The following ZBTB20 variants were observed in gnomAD, a reference collection of about 807,000 sequenced individuals.
ZBTB20 encodes the protein zinc finger and BTB domain containing 20, also known as zinc finger and BTB domain-containing protein 20.
ZBTB20 carries 9 observed loss-of-function variants against 56.9 expected under a neutral mutation model. That is an observed-to-expected ratio of 0.16 (90% CI 0.10 to 0.28). The LOEUF is 0.28. Ranked by LOEUF, ZBTB20 falls within the 10% of genes least tolerant of loss-of-function variation. The probability of loss-of-function intolerance (pLI) is 1.00; values close to 1 mark genes in which losing one functional copy is unlikely to be tolerated. For synonymous variants in ZBTB20, 417 were observed against 420.7 expected (o/e 0.99, Z 0.11); for missense variants, 655 against 1,003.0 (o/e 0.65, Z 4.69).
At chr3:114,419,754 T>C (rs572515244) in intron 7 of ZBTB20, among the ~76,000 whole-genome samples, 145 of 152,246 alleles carry the variant, frequency 9.5e-4, no homozygotes, top group African/African-American at 3.3e-3. Context: ...ACAACTGACA[T>C]ACCAAAGAGA....
intron 5 of ZBTB20, among the ~76,000 whole-genome samples, chr3:114,712,119 G>A (rs1244661111): frequency 1.3e-5 from 2 of 152,160 alleles, no homozygotes; most frequent in African/African-American, 2.4e-5. Flanking sequence ...GATGTTAGGT[G>A]ATGAAAATCA....
chr3:114,989,348 T>C (rs2078697224), intron 2 of ZBTB20, among the ~76,000 whole-genome samples: 1 of 152,234 alleles, frequency 6.6e-6, no homozygotes, highest in Admixed American at 6.5e-5. Flanking sequence ...GCACCATTTA[T>C]TAAATAGGGA....
chr3:114,783,281 G>A (rs373940956), intron 5 of ZBTB20, among the ~76,000 whole-genome samples: 7 of 152,238 alleles, frequency 4.6e-5, no homozygotes, highest in African/African-American at 1.7e-4. Flanking sequence ...AAGTGCTGGT[G>A]GTTTTTATTG....
At chr3:114,784,153 T>C (rs2070321952) in intron 5 of ZBTB20, among the ~76,000 whole-genome samples, 1 of 152,230 alleles carries the variant, frequency 6.6e-6, no homozygotes, top group Non-Finnish European at 1.5e-5. Context: ...CTGTCCTCCT[T>C]CATTTTAATT....
At chr3:114,548,163 C>T (rs2050126550) in intron 6 of ZBTB20, among the ~76,000 whole-genome samples, 2 of 152,200 alleles carry the variant, frequency 1.3e-5, no homozygotes, top group African/African-American at 4.8e-5. Context: ...TCAGATTAGC[C>T]TTATGGCCAT....
chr3:114,837,323 ATGAGGT>A (rs997968348), intron 4 of ZBTB20, among the ~76,000 whole-genome samples: 7 of 152,180 alleles, frequency 4.6e-5, no homozygotes, highest in African/African-American at 1.7e-4. Context: ...TTCCATGAGG[ATGAGGT>A]TCTTGGATGT....
chr3:114,791,207 G>GAT (rs1456840848), intron 5 of ZBTB20, among the ~76,000 whole-genome samples: 1 of 152,148 alleles, frequency 6.6e-6, no homozygotes, highest in East Asian at 1.9e-4. Context: ...CAAGTCTCCA[G>GAT]ATAGCCCCAT....
chr3:114,448,134 G>A (rs2091379220), intron 7 of ZBTB20, among the ~76,000 whole-genome samples: 1 of 152,054 alleles, frequency 6.6e-6, no homozygotes, highest in African/African-American at 2.4e-5. Context: ...CCATTGCTGG[G>A]GAAGCCTGCA....
chr3:114,887,865 G>A (rs2076658140), intron 4 of ZBTB20, among the ~76,000 whole-genome samples: 1 of 152,064 alleles, frequency 6.6e-6, no homozygotes, highest in African/African-American at 2.4e-5. Flanking sequence ...TGATCTCAAA[G>A]CCCCCAATTG....
intron 2 of ZBTB20, among the ~76,000 whole-genome samples, chr3:114,984,383 G>A (rs2078450334): frequency 6.6e-6 from 1 of 151,854 alleles, no homozygotes; most frequent in East Asian, 1.9e-4. Flanking sequence ...AAAAATCTTT[G>A]TCCTTTTCTC....
chr3:115,079,608 G>GGTCT (rs1240330493), intron 1 of ZBTB20, among the ~76,000 whole-genome samples: 2 of 152,064 alleles, frequency 1.3e-5, no homozygotes, highest in Non-Finnish European at 2.9e-5. Flanking sequence ...AGTCCAGGCT[G>GGTCT]GTCTCGAACT....
Position 114,339,465 on chromosome 3 carries a change from A to AGACATAGCAAG in ZBTB20, c.1805-50_1805-40dup, listed in dbSNP as rs2079599759. 1.3e-6 allele frequency: 2 copies of AGACATAGCAAG among 1,584,362 alleles called. No individual in the cohort carries two copies. Among genetic ancestry groups the AGACATAGCAAG allele is most frequent in the Non-Finnish European group, 1.7e-6 (2 of 1,160,534 alleles). On this transcript the variant is annotated intron_variant, in intron 11 of 11. Coordinates refer to ENST00000675478, the MANE Select transcript of ZBTB20 (RefSeq NM_001348800.3). This position sits in a 1 kb window ranked among gnomAD's most constrained non-coding sequence, Gnocchi z 4.2. ...AAGAGACAGCAAGCAGGACAGAGCG[A>AGACATAGCAAG]GACATAGCAAGGGATAGAGAATGAA...
intron 6 of ZBTB20, among the ~76,000 whole-genome samples, chr3:114,605,556 A>G (rs2057078813): frequency 6.6e-6 from 1 of 152,250 alleles, no homozygotes; most frequent in Admixed American, 6.5e-5. Flanking sequence ...ATGCAGAGAC[A>G]AAAGACATAA....
intron 1 of ZBTB20, among the ~76,000 whole-genome samples, chr3:115,122,463 T>G (rs1219918400): frequency 6.6e-6 from 1 of 152,060 alleles, no homozygotes; most frequent in Non-Finnish European, 1.5e-5. Flanking sequence ...TGTAAAAAAG[T>G]TCCTCAACCA....
chr3:114,946,537 T>C (rs2076894200), intron 3 of ZBTB20, among the ~76,000 whole-genome samples: 1 of 145,264 alleles, frequency 6.9e-6, no homozygotes, highest in Admixed American at 6.6e-5. Context: ...TGGAGTATTG[T>C]TACAGATGCT....
intron 6 of ZBTB20, among the ~76,000 whole-genome samples, chr3:114,609,355 G>A (rs1357801962): frequency 3.9e-5 from 6 of 152,232 alleles, no homozygotes; most frequent in South Asian, 4.1e-4. Context: ...AAGAATATTC[G>A]TTAATTTTGG....
chr3:114,433,125 T>C (rs551031762), intron 7 of ZBTB20, among the ~76,000 whole-genome samples: 1 of 152,244 alleles, frequency 6.6e-6, no homozygotes, highest in East Asian at 1.9e-4. Flanking sequence ...AACAGTCCTA[T>C]GAGGGAGACG....
intron 6 of ZBTB20, among the ~76,000 whole-genome samples, chr3:114,642,147 A>G (rs2059593951): frequency 6.6e-6 from 1 of 152,004 alleles, no homozygotes; most frequent in South Asian, 2.1e-4. Context: ...TGGTAGGGTA[A>G]AAAGAGGAGT....
chr3:115,011,921 T>C lies in ZBTB20; in HGVS notation c.-506-37505A>G, dbSNP rs368653602. On this transcript the variant is annotated intron_variant, in intron 2 of 11. Transcript: ENST00000675478. ...TTTAAAAGCTAGTGGACAAGGTTAA[T>C]GTGTAGAGTTTTTCTTAGTTTTCTA... Among the ~76,000 whole-genome samples, 4 of 151,862 alleles carry C rather than the reference T, an allele frequency of 2.6e-5. No homozygotes were observed. In the South Asian group the frequency reaches 8.3e-4, roughly 31 times the overall value.
Sources: allele counts gnomAD v4.1 joint callset (sites outside exome capture counted in the v4.1 genomes callset), GRCh38; gene constraint gnomAD v4.1.1; non-coding constraint Gnocchi (gnomAD v3.1); transcripts MANE v1.5; gene names NCBI Gene and HGNC (gene_info 2026-07-23, HGNC 2026-07-21).